PCDHA11: variants seen among roughly 807,000 people sequenced by gnomAD.
The protein encoded by PCDHA11 is protocadherin alpha-11.
A neutral mutation model predicts 70.3 loss-of-function variants in PCDHA11; 61 were observed. The observed-to-expected ratio is 0.87, with a 90% CI of 0.71 to 1.07. The LOEUF (loss-of-function observed/expected upper bound fraction) is 1.07, where lower values mean the gene tolerates loss of function less well. Ranked by LOEUF, PCDHA11 falls within the 50% of genes least tolerant of loss-of-function variation. PCDHA11 has a pLI of 0.00. For synonymous variants in PCDHA11, 633 were observed against 555.1 expected (o/e 1.14, Z -1.97); for missense variants, 1,324 against 1,237.5 (o/e 1.07, Z -1.05).
intron 1 of PCDHA11, among the ~76,000 whole-genome samples, chr5:140,969,715 A>G (rs1312398688): frequency 6.6e-6 from 1 of 152,082 alleles, no homozygotes; most frequent in Non-Finnish European, 1.5e-5. Context: ...CTACAGGGAA[A>G]TTTTTCTTTT....
At chr5:140,937,906 C>T (rs1235683629) in intron 1 of PCDHA11, among the ~76,000 whole-genome samples, 6 of 130,108 alleles carry the variant, frequency 4.6e-5, no homozygotes, top group African/African-American at 6.4e-5. Context: ...AGTGAGACTC[C>T]GTCTCAAAAA....
chr5:140,978,240 C>G (rs1290697340), intron 1 of PCDHA11, among the ~76,000 whole-genome samples: 1 of 152,174 alleles, frequency 6.6e-6, no homozygotes, highest in African/African-American at 2.4e-5. Flanking sequence ...TGGATTTCAG[C>G]TACTCCCTGT....
In PCDHA11 at chr5:140,870,920, T is replaced by G. The variant is rs782215482; in HGVS notation, c.1817T>G (p.Leu606Arg). The change falls in exon 1 of 4, where the codon CTT becomes CGT. Residue 606 changes from leucine to arginine, a missense_variant. Coordinates refer to ENST00000398640, the MANE Select transcript of PCDHA11 (RefSeq NM_018902.5). The stretch of plus-strand genomic sequence containing the variant: ...GCGGACTCAGGCTACAACGCGTGGC[T>G]TTCATATGAATTGCAGCCGGCGGCG... ...VDADSGYNAW[L>R]SYELQPAAGG... The G allele has an allele frequency of 1.2e-5, 20 of 1,613,814 alleles. No individual in the cohort carries two copies. The highest frequency in any genetic ancestry group is 3.4e-6 in the Non-Finnish European group (4 of 1,179,894).
At chr5:140,928,809 GGACCATGGA>G (rs1563109708) in intron 1 of PCDHA11, 1 of 1,614,078 alleles carries the variant, frequency 6.2e-7, no homozygotes, top group Non-Finnish European at 8.5e-7. Flanking sequence ...TAGTGGTTCG[GGACCATGGA>G]GACCCACCAC....
intron 1 of PCDHA11, among the ~76,000 whole-genome samples, chr5:140,975,967 A>C (rs2096692306): frequency 6.6e-6 from 1 of 152,176 alleles, no homozygotes; most frequent in African/African-American, 2.4e-5. Context: ...TCACCAATAG[A>C]AAGTAAGCAT....
chr5:140,977,325 G>A (rs1277032974), intron 1 of PCDHA11, among the ~76,000 whole-genome samples: 1 of 152,210 alleles, frequency 6.6e-6, no homozygotes, highest in African/African-American at 2.4e-5. Context: ...TCCTGATGGC[G>A]AGGGGAGAGA....
chr5:140,875,698 G>C (rs2055722414), intron 1 of PCDHA11: 1 of 1,614,084 alleles, frequency 6.2e-7, no homozygotes, highest in African/African-American at 1.3e-5. Context: ...GGACCTTCTG[G>C]AGGTAAATCT....
In PCDHA11 at chr5:140,915,626, GTCTCTCTC is replaced by G. The variant is rs57920489; in HGVS notation, c.2391+44155_2391+44162del. ...ACTTTCTGTCAAACAGTCTCTTTCT[GTCTCTCTC>G]TCTCTCTCTCTCTCTCTCTCTCAAG... is the stretch of plus-strand genomic sequence containing the variant. On this transcript the variant is annotated intron_variant, in intron 1 of 3. Transcript: ENST00000398640. Among the ~76,000 whole-genome samples, 662 of 146,534 alleles carry G rather than the reference GTCTCTCTC, an allele frequency of 4.5e-3. 3 individuals are homozygous for G. The highest frequency in any genetic ancestry group is 0.016 in the African/African-American group (641 of 39,750).
intron 1 of PCDHA11, among the ~76,000 whole-genome samples, chr5:140,957,326 C>G (rs2095350528): frequency 6.6e-6 from 1 of 152,118 alleles, no homozygotes; most frequent in African/African-American, 2.4e-5. Context: ...GAGCACAGTA[C>G]AGTAAGATAT....
At chr5:140,893,570 G>A (rs1583135271) in intron 1 of PCDHA11, among the ~76,000 whole-genome samples, 1 of 152,154 alleles carries the variant, frequency 6.6e-6, no homozygotes, top group African/African-American at 2.4e-5. Context: ...TACTTCCTCA[G>A]TTTTTGCTTG....
At chr5:140,968,835 A>C in intron 1 of PCDHA11, 2 of 1,614,194 alleles carry the variant, frequency 1.2e-6, no homozygotes, top group Non-Finnish European at 1.7e-6. Flanking sequence ...ATCCTCCCTG[A>C]CACTCAGAGG....
chr5:141,000,361 G>C (rs1253295818), intron 3 of PCDHA11, among the ~76,000 whole-genome samples: 2 of 26,450 alleles, frequency 7.6e-5, no homozygotes, highest in Non-Finnish European at 1.2e-4. Context: ...GTCTCTCTCT[G>C]TCTCTCTCTC....
At position 141,009,849 on chromosome 5, in the gene PCDHA11, C is replaced by T. The variant is rs782348993; in HGVS notation, c.2762C>T (p.Thr921Ile). 54 of 1,613,364 alleles carry T rather than the reference C, an allele frequency of 3.3e-5. No individual in the cohort carries two copies. The South Asian group carries it at 5.8e-4, about 17-fold the overall frequency. ...DFITFGKKEETKKKKKKKKGN... is the reference protein window; with the variant it reads ...DFITFGKKEEIKKKKKKKKGN... ...ATAACCTTCGGCAAAAAGGAGGAGA[C>T]CAAGAAAAAGAAGAAAAAGAAGAAG... Residue 921 changes from threonine to isoleucine, a missense_variant, in exon 4 of 4, where the codon ACC becomes ATC. Transcript: ENST00000398640.
chr5:141,006,869 C>T (rs190273260), intron 3 of PCDHA11, among the ~76,000 whole-genome samples: 50 of 152,182 alleles, frequency 3.3e-4, no homozygotes, highest in African/African-American at 1.0e-3. Flanking sequence ...GGAATAGATT[C>T]GAGGAATCAA....
intron 1 of PCDHA11, among the ~76,000 whole-genome samples, chr5:140,890,543 C>T (rs1388914629): frequency 6.6e-6 from 1 of 152,012 alleles, no homozygotes; most frequent in Non-Finnish European, 1.5e-5. Context: ...TTTGAAATGA[C>T]TGAGTACTTT....
intron 3 of PCDHA11, among the ~76,000 whole-genome samples, chr5:140,997,002 G>T (rs534893055): frequency 1.3e-5 from 2 of 152,118 alleles, no homozygotes; most frequent in East Asian, 1.9e-4. Context: ...TAACAATTTT[G>T]TGTGTATCCT....
intron 3 of PCDHA11, among the ~76,000 whole-genome samples, chr5:140,990,798 A>G (rs1554251753): frequency 6.6e-6 from 1 of 152,208 alleles, no homozygotes; most frequent in Admixed American, 6.5e-5. Context: ...ACCATGGAAT[A>G]CAGAAGAAGC....
At chr5:140,937,821 A>G (rs1270019197) in intron 1 of PCDHA11, among the ~76,000 whole-genome samples, 2 of 151,608 alleles carry the variant, frequency 1.3e-5, no homozygotes, top group Non-Finnish European at 2.9e-5. Flanking sequence ...CTGAGGCAGG[A>G]GAATGGCATG....
chr5:140,895,044 C>T (rs964599264), intron 1 of PCDHA11, among the ~76,000 whole-genome samples: 24 of 152,112 alleles, frequency 1.6e-4, no homozygotes, highest in Non-Finnish European at 2.2e-4. Flanking sequence ...CCACCCACAC[C>T]ATTCTGCTTC....
Sources: gnomAD v4.1 joint callset for allele counts (sites outside exome capture counted in the v4.1 genomes callset) on GRCh38, gnomAD v4.1.1 for gene constraint, MANE v1.5 for transcripts, NCBI Gene and HGNC (gene_info 2026-07-23, HGNC 2026-07-21) for gene names.